Variants in ALLC observed in about 807,000 individuals in gnomAD.
ALLC encodes the protein probable inactive allantoicase.
Under a neutral mutation model 45.0 loss-of-function variants are expected in ALLC, and 40 were observed. The ratio of observed to expected loss-of-function variants is 0.89; its 90% CI spans 0.69 to 1.16. The LOEUF (loss-of-function observed/expected upper bound fraction) is 1.16, where lower values mean the gene tolerates loss of function less well. Among genes scored for constraint, ALLC ranks in the 50% most tolerant of loss-of-function variants. The pLI, the probability that ALLC is intolerant of heterozygous loss-of-function variation, is 0.00. For missense variants in ALLC, 488 were observed against 493.1 expected, an observed-to-expected ratio of 0.99 and a Z score of 0.10; for synonymous variants, 176 against 178.1, an observed-to-expected ratio of 0.99 and a Z score of 0.09.
intron 1 of ALLC, among the ~76,000 whole-genome samples, chr2:3,665,796 T>C (rs1050911576): frequency 6.6e-6 from 1 of 152,224 alleles, no homozygotes; most frequent in Non-Finnish European, 1.5e-5. Flanking sequence ...ATCTTTATAG[T>C]AGAACTATTT....
intron 10 of ALLC, among the ~76,000 whole-genome samples, 153 bp downstream of exon 10, chr2:3,697,609 C>A (rs895148922): frequency 1.4e-5 from 2 of 146,916 alleles, no homozygotes; most frequent in Non-Finnish European, 3.0e-5. Flanking sequence ...ACCCTTAGAA[C>A]TCTGTCTGTC....
In ALLC at chr2:3,701,579, C is replaced by G. The variant is rs1444186842; in HGVS notation, c.918C>G (p.Ile306Met). 2 of 1,608,490 alleles carry G rather than the reference C, an allele frequency of 1.2e-6. No homozygotes were observed. The highest frequency in any genetic ancestry group is 1.7e-6 in the Non-Finnish European group (2 of 1,177,472). Reference protein sequence around the residue: ...ILTTQEEEAVIRQKWILPAHK... With the variant: ...ILTTQEEEAVMRQKWILPAHK... ...CAACTCAGGAAGAAGAAGCCGTGAT[C>G]AGGCAAAAGTGGATTCTCCCGGCCC... Residue 306 changes from isoleucine to methionine, a missense_variant, in exon 11 of 12, where the codon ATC (isoleucine) becomes ATG (methionine). Transcript: ENST00000252505.
chr2:3,702,361 A>G lies in ALLC; in HGVS notation c.976-2A>G. The G allele has an allele frequency of 1.9e-6, 3 of 1,612,634 alleles. No homozygotes were observed. Among genetic ancestry groups the G allele is most frequent in the Non-Finnish European group, 2.5e-6 (3 of 1,179,586 alleles). On this transcript the variant is annotated splice_acceptor_variant, in intron 11 of 11. Transcript: ENST00000252505. LOFTEE classifies it high-confidence loss of function. ...GGACCTCTGCATCTGCTTGCTTTTC[A>G]GTTGTCTCCCAACCAAAGTCATCTG... is the stretch of plus-strand genomic sequence containing the variant.
chr2:3,652,305 G>T, the ALLC span, among the ~76,000 whole-genome samples: 377 of 152,336 alleles, frequency 2.5e-3, 4 homozygotes, highest in Middle Eastern at 0.044. Context: ...CCTGGGGGCC[G>T]GTCTGTCTGG....
At chr2:3,657,191 G>A (rs1042503681), upstream of ALLC, among the ~76,000 whole-genome samples, 3 of 152,122 alleles carry the variant, frequency 2.0e-5, no homozygotes, top group East Asian at 1.9e-4. Context: ...GGCGCTGGAC[G>A]CATCCTAACT....
chr2:3,681,568 C>G, intron 5 of ALLC, 66 bp from the exon 6 acceptor site: 2 of 1,172,288 alleles, frequency 1.7e-6, no homozygotes, highest in Non-Finnish European at 1.2e-6. Context: ...TACAAACCAC[C>G]AAGAGAGTAG....
chr2:3,648,625 G>A, the ALLC span, among the ~76,000 whole-genome samples: 14 of 152,172 alleles, frequency 9.2e-5, no homozygotes, highest in Non-Finnish European at 1.5e-5. Context: ...CTGCCAGCTG[G>A]GCCTCCATTC....
At chr2:3,671,327 C>A (rs993590616) in intron 2 of ALLC, 137 bp downstream of exon 2, 6 of 944,784 alleles carry the variant, frequency 6.4e-6, no homozygotes, top group Non-Finnish European at 9.7e-6. Flanking sequence ...AACCCGTTAG[C>A]GAGAAAGACT....
At chr2:3,662,618 T>G (rs1452445488) in intron 1 of ALLC, among the ~76,000 whole-genome samples, 1 of 152,212 alleles carries the variant, frequency 6.6e-6, no homozygotes, top group East Asian at 1.9e-4. Flanking sequence ...ATTTTACAAA[T>G]GTATTGGGTA....
At chr2:3,649,396 C>G in the ALLC span, among the ~76,000 whole-genome samples, 1 of 152,138 alleles carries the variant, frequency 6.6e-6, no homozygotes, top group Non-Finnish European at 1.5e-5. Context: ...CGCCCGCCAC[C>G]ACGTCCGGCT....
At chr2:3,672,330 TAG>T (rs2147999325) in intron 2 of ALLC, among the ~76,000 whole-genome samples, 2 of 114,864 alleles carry the variant, frequency 1.7e-5, no homozygotes, top group Non-Finnish European at 3.7e-5. Flanking sequence ...TCTGGTTAGA[TAG>T]GAGGTCCTCT....
chr2:3,702,014 T>C (rs1667859724), intron 11 of ALLC, among the ~76,000 whole-genome samples: 1 of 152,024 alleles, frequency 6.6e-6, no homozygotes, highest in South Asian at 2.1e-4. Context: ...AGGCTAGAGG[T>C]GAGAGCTGCT....
rs1228718746 is a variant in ALLC at position 3,678,563 on chromosome 2, C to A, written c.172+8C>A. ...GGAGGAAAAGGATTCCAGGTAATAA[C>A]AACGGTTCGTTCATCGAAGTGCAGC... is the stretch of plus-strand genomic sequence containing the variant. On this transcript the variant is annotated splice_region_variant and intron_variant, in intron 4 of 11. Coordinates refer to ENST00000252505, the MANE Select transcript of ALLC (RefSeq NM_018436.4). 1 of 1,612,064 alleles carries A rather than the reference C, an allele frequency of 6.2e-7. No homozygotes were observed. Among genetic ancestry groups the A allele is most frequent in the East Asian group, 2.2e-5 (1 of 44,882 alleles).
chr2:3,651,436 T>A, the ALLC span, among the ~76,000 whole-genome samples: 4 of 56,858 alleles, frequency 7.0e-5, no homozygotes, highest in African/African-American at 1.1e-4. Flanking sequence ...TGTGTGTGTG[T>A]GTGTGTTAGG....
the ALLC span, among the ~76,000 whole-genome samples, chr2:3,649,670 C>G: frequency 6.6e-6 from 1 of 152,270 alleles, no homozygotes; most frequent in South Asian, 2.1e-4. Flanking sequence ...CACGCCTGAC[C>G]TGGCAGCTCA....
At chr2:3,668,525 TCTCTGC>T (rs1422028259) in intron 1 of ALLC, among the ~76,000 whole-genome samples, 1 of 150,166 alleles carries the variant, frequency 6.7e-6, no homozygotes, top group African/African-American at 2.4e-5. Flanking sequence ...CTCCTCTCCC[TCTCTGC>T]CTCTGTGAGT....
At chr2:3,652,482 A>G in the ALLC span, among the ~76,000 whole-genome samples, 4 of 151,162 alleles carry the variant, frequency 2.6e-5, no homozygotes, top group Non-Finnish European at 4.4e-5. Context: ...TTCCATTTCT[A>G]TGGTGGGAAG....
chr2:3,663,233 A>G (rs887220413), intron 1 of ALLC, among the ~76,000 whole-genome samples: 2 of 152,354 alleles, frequency 1.3e-5, no homozygotes, highest in Admixed American at 1.3e-4. Flanking sequence ...ACCATGGAAT[A>G]CTATGCAGCC....
At chr2:3,660,081 G>C (rs1416080258) in intron 1 of ALLC, among the ~76,000 whole-genome samples, 1 of 152,214 alleles carries the variant, frequency 6.6e-6, no homozygotes, top group East Asian at 1.9e-4. Flanking sequence ...TGTTGGAGGT[G>C]GGGCCCAGCG....
Sources: gnomAD v4.1 joint callset for allele counts (sites outside exome capture counted in the v4.1 genomes callset) on GRCh38, gnomAD v4.1.1 for gene constraint, MANE v1.5 for transcripts, NCBI Gene and HGNC (gene_info 2026-07-23, HGNC 2026-07-21) for gene names.